TUBGCP2: variants seen among roughly 807,000 people sequenced by gnomAD.
The protein encoded by TUBGCP2 is gamma-tubulin complex component 2.
Under a neutral mutation model 92.2 loss-of-function variants are expected in TUBGCP2, and 55 were observed. That is an observed-to-expected ratio of 0.60 (90% CI 0.48 to 0.75). The LOEUF (loss-of-function observed/expected upper bound fraction) is 0.75. Among genes scored for constraint, TUBGCP2 ranks in the 30% least tolerant of loss-of-function variants. The pLI is 0.00. For synonymous variants in TUBGCP2, 533 were observed against 505.2 expected, an observed-to-expected ratio of 1.06 and a Z score of -0.74; for missense variants, 1,093 against 1,188.9, an observed-to-expected ratio of 0.92 and a Z score of 1.19.
chr10:133,293,736 ACGGCCGACT>A lies in TUBGCP2; in HGVS notation c.641_649del (p.Glu214_Ala216del). 2 of 1,600,492 alleles carry A rather than the reference ACGGCCGACT, an allele frequency of 1.2e-6. No homozygotes were observed. The highest frequency in any genetic ancestry group is 1.7e-6 in the Non-Finnish European group (2 of 1,174,606). On this transcript the variant is annotated inframe_deletion, in exon 6 of 18. Coordinates refer to ENST00000252936, the MANE Select transcript of TUBGCP2 (RefSeq NM_006659.4). ...CAGCACGTACAGCAGGTCCTCCACC[ACGGCCGACT>A]CCTGCGAGGCCAGGGGCAACGTGCC... is the stretch of plus-strand genomic sequence containing the variant.
At position 133,283,071 on chromosome 10, in the gene TUBGCP2, C is replaced by T. The variant is rs369780917; in HGVS notation, c.2289+7G>A. 3.9e-5 allele frequency: 63 copies of T among 1,614,168 alleles called. No individual in the cohort carries two copies. In the Middle Eastern group the frequency reaches 4.9e-4, roughly 13 times the overall value. On this transcript the variant is annotated splice_region_variant and intron_variant, in intron 15 of 17. Coordinates refer to ENST00000252936, the MANE Select transcript of TUBGCP2 (RefSeq NM_006659.4). ...CCCACCCGATGGTGCTACCCACACC[C>T]ACGCACCTGCATGCAGTTGGTGAAC...
intron 2 of TUBGCP2, among the ~76,000 whole-genome samples, chr10:133,301,281 C>T (rs1357822742): frequency 6.6e-6 from 1 of 152,144 alleles, no homozygotes; most frequent in East Asian, 1.9e-4. Flanking sequence ...GCACGCACCA[C>T]CACGCCCTAA....
At position 133,298,114 on chromosome 10, in the gene TUBGCP2, A is replaced by C. The variant is rs748305545; in HGVS notation, c.457-3T>G. The C allele has an allele frequency of 3.4e-5, 55 of 1,611,246 alleles. No homozygotes were observed. The Admixed American group carries it at 3.5e-4, about 10-fold the overall frequency. ...ATCTTTCTTTTAAGTTCCAGAGACT[A>C]GCAAGGACATTTTAAAAAACAAAAC... On this transcript the variant is annotated splice_region_variant and splice_polypyrimidine_tract_variant and intron_variant, in intron 4 of 17. Transcript: ENST00000252936.
Position 133,283,899 on chromosome 10 carries a change from C to T in TUBGCP2, c.2128G>A (p.Glu710Lys). 6.2e-7 allele frequency: 1 copy of T among 1,614,058 alleles called. No homozygotes were observed. Among genetic ancestry groups the T allele is most frequent in the Non-Finnish European group, 8.5e-7 (1 of 1,179,962 alleles). Residue 710 changes from glutamate (E) to lysine (K), a missense_variant, in exon 14 of 18, where the codon GAG (glutamate) becomes AAG (lysine). This residue lies in a region of TUBGCP2 where 598 missense variants were observed against 675.5 expected (regional missense o/e 0.89). Transcript: ENST00000252936. ...EVMEPTWHIL[E>K]KNLKSASNID... ...AAACTCACGGATTTCAGGTTTTTCT[C>T]CAGGATGTGCCAGGTCGGTTCCATC...
rs1340829967 is a variant in TUBGCP2 at position 133,308,836 on chromosome 10, C to G, written c.-53G>C. On this transcript the variant is annotated 5_prime_UTR_variant, in exon 1 of 18. Coordinates refer to ENST00000252936, the MANE Select transcript of TUBGCP2 (RefSeq NM_006659.4). ...GCCAGGACTCACCGCAGTCCCGGAG[C>G]CACAGCCCCCGCGCAGCCCCCGACG... 2.0e-6 allele frequency: 2 copies of G among 999,680 alleles called. No homozygotes were observed. The highest frequency in any genetic ancestry group is 5.1e-5 in the South Asian group (1 of 19,540). The allele number at this position is 999,680 out of a possible 1,614,324, so 61.9% of individuals were successfully genotyped here. A position where few individuals can be genotyped will look rare whatever the true frequency, so the allele number is the denominator to read the frequency against.
intron 5 of TUBGCP2, chr10:133,295,798 G>A (rs1475746195): frequency 6.6e-6 from 1 of 152,426 alleles, no homozygotes; most frequent in East Asian, 1.9e-4. Flanking sequence ...CTGTTTTCCA[G>A]AGGACGCAGG....
chr10:133,279,772 TGCGGTGACTGCGACCCTGG>T lies in TUBGCP2; in HGVS notation c.2684_2702del (p.Pro895HisfsTer7), dbSNP rs1169447902. 35 of 1,557,804 alleles carry T rather than the reference TGCGGTGACTGCGACCCTGG, an allele frequency of 2.2e-5. No homozygotes were observed. Among genetic ancestry groups the T allele is most frequent in the Middle Eastern group, 1.7e-4 (1 of 6,014 alleles). Reference sequence around the variant, plus strand: ...TTCCTGTCACAGCCAGGGCTCACTGTGCGGTGACTGCGACCCTGGGTGCAGGAGCCGGGGGCCCCCGCAG... The same window carrying T: ...TTCCTGTCACAGCCAGGGCTCACTGTGTGCAGGAGCCGGGGGCCCCCGCAG... On this transcript the variant is annotated frameshift_variant, in exon 18 of 18. Transcript: ENST00000252936. LOFTEE classifies it high-confidence loss of function.
chr10:133,311,225 G>T (rs768953645), upstream of TUBGCP2, among the ~76,000 whole-genome samples: 29 of 152,124 alleles, frequency 1.9e-4, no homozygotes, highest in African/African-American at 7.0e-4. Context: ...GTAGTAATTT[G>T]CTCTTTAAAA....
rs1222607285 is a variant in TUBGCP2 at position 133,291,061 on chromosome 10, T to C, written c.1215-1092A>G. 6 of 219,674 alleles carry C rather than the reference T, an allele frequency of 2.7e-5. 1 individual carries two copies. The South Asian group carries it at 3.8e-4, about 14-fold the overall frequency. The allele number at this position is 219,674 out of a possible 1,614,324, so 13.6% of individuals were successfully genotyped here. On this transcript the variant is annotated intron_variant, in intron 8 of 17. Transcript: ENST00000252936. ...TCAGGAAATCCAAGCACCAAAGAGG[T>C]TGAAGGACCTAATTGGAGGCAATTT...
chr10:133,280,286 G>C (rs934577818), intron 17 of TUBGCP2, among the ~76,000 whole-genome samples: 6 of 152,212 alleles, frequency 3.9e-5, no homozygotes, highest in Non-Finnish European at 7.4e-5. Flanking sequence ...ACAGGGCCTA[G>C]CAATGGGGCC....
In TUBGCP2 at chr10:133,292,653, ACCC is replaced by A; in HGVS notation, c.1057_1059del (p.Gly353del). The A allele has an allele frequency of 1.2e-6, 2 of 1,613,542 alleles. No homozygotes were observed. Among genetic ancestry groups the A allele is most frequent in the Non-Finnish European group, 1.7e-6 (2 of 1,179,890 alleles). On this transcript the variant is annotated inframe_deletion, in exon 8 of 18. Transcript: ENST00000252936. The stretch of plus-strand genomic sequence containing the variant: ...CTGTCGTGGAGCAGGCTCAGCGTGG[ACCC>A]CCCAAGACATTCGCCTTTGTCCACC...
Position 133,285,316 on chromosome 10 carries a change from C to A in TUBGCP2, c.1896-103G>T. 1.9e-6 allele frequency: 3 copies of A among 1,590,974 alleles called. No homozygotes were observed. The highest frequency in any genetic ancestry group is 2.6e-6 in the Non-Finnish European group (3 of 1,171,556). ...TCCGCACCGTGGCCCCCGGACAGCC[C>A]GTGAATCTCTCGGACACTGAAGGCC... is the stretch of plus-strand genomic sequence containing the variant. On this transcript the variant is annotated intron_variant, in intron 12 of 17. Transcript: ENST00000252936. This position sits in a 1 kb window ranked among gnomAD's most constrained non-coding sequence, Gnocchi z 6.8.
chr10:133,300,024 C>T lies in TUBGCP2; in HGVS notation c.240G>A (p.Pro80=), dbSNP rs757515395. The change falls in exon 3 of 18, where the codon CCG becomes CCA. Residue 80 remains proline (P), a synonymous_variant. Coordinates refer to ENST00000252936, the MANE Select transcript of TUBGCP2 (RefSeq NM_006659.4). ...TGAGCTTTGACAACAGGTACACCAG[C>T]GGGTCAAGGTTCCTTGTATTTTTAG... The part of the protein sequence containing the change: ...LKSKNTRNLD[P]LVYLLSKLTE... 9.3e-6 allele frequency: 15 copies of T among 1,614,074 alleles called. No individual in the cohort carries two copies. The highest frequency in any genetic ancestry group is 4.5e-5 in the East Asian group (2 of 44,870).
rs564247604 is a variant in TUBGCP2, at chr10:133,304,177, A to C, written c.-39-1197T>G. On this transcript the variant is annotated intron_variant, in intron 1 of 17. Transcript: ENST00000252936. ...GAGACTCTGTCTCTACAAAAAATAC[A>C]AAAATTAACTGGGCATGGTAGCATA... Among the ~76,000 whole-genome samples, 3 of 152,316 alleles carry C rather than the reference A, an allele frequency of 2.0e-5. No individual in the cohort carries two copies. In the East Asian group the frequency reaches 5.8e-4, roughly 29 times the overall value.
upstream of TUBGCP2, chr10:133,311,635 C>T: frequency 8.0e-7 from 1 of 1,244,434 alleles, no homozygotes; most frequent in Non-Finnish European, 1.1e-6. Flanking sequence ...AATCCAGTTT[C>T]TTTCTTGCAT....
intron 1 of TUBGCP2, among the ~76,000 whole-genome samples, chr10:133,307,701 C>T (rs1319092455): frequency 1.3e-5 from 2 of 152,164 alleles, no homozygotes; most frequent in African/African-American, 2.4e-5. Flanking sequence ...GCCCAGATCG[C>T]GCCACTGCAC....
chr10:133,302,787 C>T lies in TUBGCP2; in HGVS notation c.150+5G>A, dbSNP rs1847703616. On this transcript the variant is annotated splice_donor_5th_base_variant and intron_variant, in intron 2 of 17. Coordinates refer to ENST00000252936, the MANE Select transcript of TUBGCP2 (RefSeq NM_006659.4). ...GCACAGCGCTACACCAAGGGCAGTG[C>T]TCACCTTGGCACTGTGAGCAGAGAC... is the stretch of plus-strand genomic sequence containing the variant. The T allele has an allele frequency of 3.7e-6, 6 of 1,612,334 alleles. No individual in the cohort carries two copies. Among genetic ancestry groups the T allele is most frequent in the South Asian group, 1.1e-5 (1 of 91,008 alleles).
At chr10:133,309,686 T>C, upstream of TUBGCP2, 1 of 1,473,274 alleles carries the variant, frequency 6.8e-7, no homozygotes. Flanking sequence ...ATAGGGGCTT[T>C]ATTGGACGTC....
intron 2 of TUBGCP2, chr10:133,302,218 TG>T (rs1847679247): frequency 6.0e-6 from 1 of 165,806 alleles, no homozygotes; most frequent in African/African-American, 2.4e-5. Flanking sequence ...ACAGACCAAG[TG>T]CTGTCTGCCA....
Sources: allele counts gnomAD v4.1 joint callset (sites outside exome capture counted in the v4.1 genomes callset), GRCh38; gene constraint gnomAD v4.1.1; regional missense constraint gnomAD v4.1.1; non-coding constraint Gnocchi (gnomAD v3.1); transcripts MANE v1.5; gene names NCBI Gene and HGNC (gene_info 2026-07-23, HGNC 2026-07-21).